PLXNA4: variants seen among roughly 807,000 people sequenced by gnomAD.
The protein encoded by PLXNA4 is plexin-A4.
A neutral mutation model predicts 191.8 loss-of-function variants in PLXNA4; 44 were observed. The ratio of observed to expected loss-of-function variants is 0.23; its 90% CI spans 0.18 to 0.29. The LOEUF is 0.29. PLXNA4 is among the 10% of genes least tolerant of loss of function. PLXNA4 has a pLI of 1.00. For missense variants in PLXNA4, 1,800 were observed against 2,488.8 expected, an observed-to-expected ratio of 0.72 and a Z score of 5.89; for synonymous variants, 1,082 against 1,009.5, an observed-to-expected ratio of 1.07 and a Z score of -1.36.
intron 3 of PLXNA4, among the ~76,000 whole-genome samples, chr7:132,443,153 T>C (rs1205738142): frequency 6.6e-6 from 1 of 152,220 alleles, no homozygotes; most frequent in Non-Finnish European, 1.5e-5. Flanking sequence ...TCAGATTCTC[T>C]TGGGGAACAA....
chr7:132,151,547 GGAGGAGGAGGAGAAAGGAGGAGGAGGAGA>G (rs1795639158), intron 25 of PLXNA4, among the ~76,000 whole-genome samples: 1 of 104,802 alleles, frequency 9.5e-6, no homozygotes, highest in African/African-American at 3.8e-5. Flanking sequence ...GGAGGAGAAA[GGAGGAGGAGGAGAAAGGAGGAGGAGGAGA>G]AAGGAGGAGG....
chr7:132,297,651 A>G (rs1801139971), intron 4 of PLXNA4, among the ~76,000 whole-genome samples: 1 of 152,096 alleles, frequency 6.6e-6, no homozygotes, highest in Non-Finnish European at 1.5e-5. Context: ...CTGTTTTCTG[A>G]GTCCTGACCA....
At chr7:132,290,502 AGG>A (rs565994134) in intron 4 of PLXNA4, among the ~76,000 whole-genome samples, 2 of 152,252 alleles carry the variant, frequency 1.3e-5, no homozygotes, top group South Asian at 4.1e-4. Context: ...TTGGCTTGGC[AGG>A]TTTTTATCAC....
chr7:132,146,406 C>T, intron 28 of PLXNA4, 104 bp downstream of exon 28: 1 of 1,589,266 alleles, frequency 6.3e-7, no homozygotes, highest in African/African-American at 1.3e-5. Context: ...AGAGTGGGCA[C>T]CAGCATGAAT....
chr7:132,510,865 G>T (rs1489968699), intron 1 of PLXNA4, among the ~76,000 whole-genome samples: 1 of 152,240 alleles, frequency 6.6e-6, no homozygotes, highest in African/African-American at 2.4e-5. Context: ...AATGAATCAG[G>T]TGGAAGATGA....
At chr7:132,557,349 G>C (rs1009535138) in intron 1 of PLXNA4, among the ~76,000 whole-genome samples, 1 of 152,134 alleles carries the variant, frequency 6.6e-6, no homozygotes, top group Non-Finnish European at 1.5e-5. Flanking sequence ...CTCCCAACTT[G>C]CCAGCACAGC....
chr7:132,507,371 A>G, intron 2 of PLXNA4, 135 bp downstream of exon 2: 1 of 975,088 alleles, frequency 1.0e-6, no homozygotes, highest in Non-Finnish European at 1.5e-6. Context: ...GTCCAATGAG[A>G]CTCAGAGATG....
At chr7:132,321,015 C>A (rs1410749592) in intron 3 of PLXNA4, among the ~76,000 whole-genome samples, 1 of 152,198 alleles carries the variant, frequency 6.6e-6, no homozygotes, top group Non-Finnish European at 1.5e-5. Context: ...CGGTTCCTGG[C>A]AATCCCTTGC....
chr7:132,133,073 G>C lies in PLXNA4; in HGVS notation c.5565C>G (p.Ser1855=). The C allele has an allele frequency of 6.2e-7, 1 of 1,614,160 alleles. No individual in the cohort carries two copies. The highest frequency in any genetic ancestry group is 8.5e-7 in the Non-Finnish European group (1 of 1,180,012). The change falls in exon 31 of 32, where the codon TCC becomes TCG. Residue 1855 remains serine, a synonymous_variant. Transcript: ENST00000321063. The stretch of plus-strand genomic sequence containing the variant: ...CCTCCTCGCTGTATTTGCCCACATA[G>C]GAGAAGATCTCTGAGAGTGCACTCA... ...NTMSALSEIF[S]YVGKYSEEIL...
chr7:132,462,634 G>C (rs993983589), intron 3 of PLXNA4, among the ~76,000 whole-genome samples: 2 of 151,842 alleles, frequency 1.3e-5, no homozygotes, highest in Admixed American at 6.6e-5. Context: ...TACAGACAGG[G>C]TCTCACTATG....
At chr7:132,590,136 A>C (rs1802579853) in intron 2 of PLXNA4, among the ~76,000 whole-genome samples, 1 of 152,226 alleles carries the variant, frequency 6.6e-6, no homozygotes, top group Admixed American at 6.5e-5. Context: ...GTAGCTCTGA[A>C]AAGACCTCTG....
chr7:132,597,948 C>G (rs1802747758), intron 2 of PLXNA4, among the ~76,000 whole-genome samples: 1 of 151,194 alleles, frequency 6.6e-6, no homozygotes, highest in African/African-American at 2.4e-5. Flanking sequence ...TTTGTTACTG[C>G]CTGTTGATAG....
intron 3 of PLXNA4, among the ~76,000 whole-genome samples, chr7:132,365,016 T>C (rs1455877599): frequency 1.3e-5 from 2 of 152,210 alleles, no homozygotes; most frequent in African/African-American, 2.4e-5. Context: ...TGGGGAAGAC[T>C]GCACCAAACT....
chr7:132,471,820 A>G (rs1452759465), intron 3 of PLXNA4, among the ~76,000 whole-genome samples: 1 of 152,140 alleles, frequency 6.6e-6, no homozygotes, highest in East Asian at 1.9e-4. Flanking sequence ...TTTCCATACC[A>G]AACAACAGTA....
At chr7:132,219,686 T>C (rs1401968799) in intron 9 of PLXNA4, among the ~76,000 whole-genome samples, 1 of 152,176 alleles carries the variant, frequency 6.6e-6, no homozygotes, top group African/African-American at 2.4e-5. Flanking sequence ...CCTGCTACTA[T>C]ATCTTCCCAG....
intron 3 of PLXNA4, among the ~76,000 whole-genome samples, chr7:132,304,561 G>A (rs1477065593): frequency 2.0e-5 from 3 of 152,080 alleles, no homozygotes; most frequent in African/African-American, 4.8e-5. Context: ...TTTGCCACCT[G>A]AGGTGCATGT....
chr7:132,254,574 C>T (rs545972257), intron 4 of PLXNA4, among the ~76,000 whole-genome samples: 3 of 152,322 alleles, frequency 2.0e-5, no homozygotes, highest in South Asian at 2.1e-4. Context: ...AGCAACGTCC[C>T]TTCTTGCCTT....
chr7:132,238,542 AGCAGC>A (rs1156569759), intron 5 of PLXNA4, among the ~76,000 whole-genome samples: 1 of 152,256 alleles, frequency 6.6e-6, no homozygotes, highest in Non-Finnish European at 1.5e-5. Flanking sequence ...AGGTGCCAGC[AGCAGC>A]AGCAGACAAT....
rs756875196 is a variant in PLXNA4, at chr7:132,179,784, G to A, written c.3777C>T (p.Ala1259=). The A allele has an allele frequency of 6.8e-6, 11 of 1,614,002 alleles. No individual in the cohort carries two copies. The South Asian group carries it at 1.2e-4, about 18-fold the overall frequency. ...LIIFIVAVLI[A]YKRKSRESDL... ...CACTTTCGCGGGACTTGCGTTTATA[G>A]GCAATGAGCACGGCCACGATGAAAA... is the stretch of plus-strand genomic sequence containing the variant. The change falls in exon 20 of 32, where the codon GCC becomes GCT. Residue 1259 remains alanine (A), a synonymous_variant. Transcript: ENST00000321063.
Sources: gnomAD v4.1 joint callset for allele counts (sites outside exome capture counted in the v4.1 genomes callset) on GRCh38, gnomAD v4.1.1 for gene constraint, MANE v1.5 for transcripts, NCBI Gene and HGNC (gene_info 2026-07-23, HGNC 2026-07-21) for gene names.